MRPL48: variants seen among roughly 807,000 people sequenced by gnomAD.
MRPL48 encodes large ribosomal subunit protein mL48.
In MRPL48, 16 loss-of-function variants were observed where a neutral mutation model predicts 32.9. That is an observed-to-expected ratio of 0.49 (90% confidence interval 0.33 to 0.74). The LOEUF is 0.74. Ranked by LOEUF, MRPL48 falls within the 30% of genes least tolerant of loss-of-function variation. The pLI, the probability that MRPL48 is intolerant of heterozygous loss-of-function variation, is 0.02. For missense variants in MRPL48, 206 were observed against 245.3 expected (o/e 0.84, Z 1.07); for synonymous variants, 94 against 89.2 (o/e 1.05, Z -0.31).
Position 73,788,044 on chromosome 11 carries a change from A to C in MRPL48, c.21+52A>C, listed in dbSNP as rs1371509010. ...CGCGGGGAGATGGCGGACGGTGCAG[A>C]GAGGGGAGATGGCGGAGGGTGCAGA... is the stretch of plus-strand genomic sequence containing the variant. On this transcript the variant is annotated intron_variant, in intron 1 of 7. Transcript: ENST00000310614. 8.2e-6 allele frequency: 12 copies of C among 1,460,422 alleles called. No individual in the cohort carries two copies. The Middle Eastern group carries it at 7.5e-4, about 92-fold the overall frequency. The allele number at this position is 1,460,422 out of a possible 1,614,324, so 90.5% of individuals were successfully genotyped here.
chr11:73,807,830 G>C (rs990071653), intron 2 of MRPL48, among the ~76,000 whole-genome samples: 1 of 151,924 alleles, frequency 6.6e-6, no homozygotes, highest in Non-Finnish European at 1.5e-5. Flanking sequence ...GTAGAGACGG[G>C]GTTTCGCCAT....
At position 73,831,561 on chromosome 11, in the gene MRPL48, T is replaced by C. The variant is rs571281434; in HGVS notation, c.201+5765T>C. Among the ~76,000 whole-genome samples the C allele has an allele frequency of 1.4e-4, 21 of 152,152 alleles. No homozygotes were observed. In the East Asian group the frequency reaches 3.9e-3, roughly 28 times the overall value. On this transcript the variant is annotated intron_variant, in intron 4 of 7. Coordinates refer to ENST00000310614, the MANE Select transcript of MRPL48 (RefSeq NM_016055.6). ...AGACCTAGCATCCTGTCTCAAAGTG[T>C]AGATCTCATTATTCCTTAAAGGCCC...
At chr11:73,835,006 AT>A (rs1327282139) in intron 4 of MRPL48, among the ~76,000 whole-genome samples, 3 of 148,368 alleles carry the variant, frequency 2.0e-5, no homozygotes, top group Admixed American at 6.7e-5. Flanking sequence ...TAATTTTTAA[AT>A]TTTTTTGTGG....
At chr11:73,835,997 G>A (rs1407594966) in intron 4 of MRPL48, among the ~76,000 whole-genome samples, 2 of 151,792 alleles carry the variant, frequency 1.3e-5, no homozygotes, top group East Asian at 3.9e-4. Context: ...GCAGTGGCGC[G>A]ATCTTGGCTC....
intron 5 of MRPL48, among the ~76,000 whole-genome samples, chr11:73,855,189 C>G (rs1565111643): frequency 6.6e-6 from 1 of 151,934 alleles, no homozygotes. Context: ...TCCTAATTCT[C>G]TATTCTTCTA....
intron 2 of MRPL48, 132 bp downstream of exon 2, chr11:73,805,211 C>T (rs1947427119): frequency 8.8e-6 from 6 of 684,098 alleles, no homozygotes; most frequent in South Asian, 2.3e-5. Context: ...CCACCTTGCT[C>T]CTTCCCCATT....
chr11:73,846,108 A>T (rs1045707455), intron 5 of MRPL48, among the ~76,000 whole-genome samples: 2 of 150,162 alleles, frequency 1.3e-5, no homozygotes, highest in African/African-American at 2.5e-5. Context: ...AAAAGCAAAC[A>T]CTGAAACTGT....
intron 1 of MRPL48, among the ~76,000 whole-genome samples, chr11:73,801,255 C>G (rs1276542662): frequency 6.6e-6 from 1 of 152,076 alleles, no homozygotes; most frequent in Non-Finnish European, 1.5e-5. Context: ...TATGAAGTGA[C>G]CCATTTAAAA....
intron 3 of MRPL48, among the ~76,000 whole-genome samples, chr11:73,808,983 A>T (rs1017195434): frequency 3.8e-4 from 57 of 151,736 alleles, no homozygotes; most frequent in East Asian, 3.3e-3. Context: ...CTCTACAAAA[A>T]TTTTTTTAAA....
Position 73,864,610 on chromosome 11 carries a change from T to C in MRPL48, c.*240T>C. The C allele has an allele frequency of 5.6e-6, 3 of 534,278 alleles. No individual in the cohort carries two copies. The highest frequency in any genetic ancestry group is 1.0e-5 in the Non-Finnish European group (3 of 296,686). 33.1% of individuals were successfully genotyped at this position (534,278 alleles called of 1,614,324 possible). A position where few individuals can be genotyped will look rare whatever the true frequency, so the allele number is the denominator to read the frequency against. The stretch of plus-strand genomic sequence containing the variant: ...AAAATCTGCTGCAGATGTGTATATG[T>C]ATGTGTGTGTGAGAGAGAGAAATTG... On this transcript the variant is annotated 3_prime_UTR_variant, in exon 8 of 8. Transcript: ENST00000310614.
chr11:73,809,292 G>A (rs1194039235), intron 3 of MRPL48, among the ~76,000 whole-genome samples: 3 of 151,938 alleles, frequency 2.0e-5, no homozygotes, highest in African/African-American at 4.8e-5. Flanking sequence ...CGGATCATGA[G>A]GTCAGATCAA....
intron 5 of MRPL48, among the ~76,000 whole-genome samples, chr11:73,859,697 T>G (rs189927173): frequency 6.6e-6 from 1 of 152,304 alleles, no homozygotes; most frequent in East Asian, 1.9e-4. Context: ...TGATTAGAGA[T>G]GCAGAACTGC....
chr11:73,811,060 A>G (rs997059648), intron 3 of MRPL48, among the ~76,000 whole-genome samples: 1 of 152,202 alleles, frequency 6.6e-6, no homozygotes, highest in African/African-American at 2.4e-5. Context: ...AGAGGGAGAA[A>G]GTCTAATGAA....
chr11:73,824,455 C>G (rs554213433), intron 3 of MRPL48, among the ~76,000 whole-genome samples: 1 of 151,814 alleles, frequency 6.6e-6, no homozygotes, highest in Non-Finnish European at 1.5e-5. Context: ...TGTGGTGGCG[C>G]GTGCCTGTAA....
chr11:73,835,678 C>T (rs2135033988), intron 4 of MRPL48, among the ~76,000 whole-genome samples: 1 of 152,196 alleles, frequency 6.6e-6, no homozygotes, highest in South Asian at 2.1e-4. Flanking sequence ...GCTGGTGGAT[C>T]ACCTGAGTTC....
intron 1 of MRPL48, among the ~76,000 whole-genome samples, chr11:73,801,000 G>A (rs925982706): frequency 4.6e-5 from 7 of 151,878 alleles, no homozygotes; most frequent in African/African-American, 1.2e-4. Flanking sequence ...TAGTAGAGAC[G>A]AGGTTTCTCC....
At position 73,810,287 on chromosome 11, in the gene MRPL48, C is replaced by T. The variant is rs187881510; in HGVS notation, c.112+1937C>T. Among the ~76,000 whole-genome samples the T allele has an allele frequency of 5.3e-3, 812 of 152,170 alleles. 8 individuals are homozygous for T. Among genetic ancestry groups the T allele is most frequent in the African/African-American group, 0.018 (740 of 41,514 alleles). On this transcript the variant is annotated intron_variant, in intron 3 of 7. Transcript: ENST00000310614. ...CTGTAATCCCAGTACTTTGGCAGGC[C>T]GAGATGGGCGGATCACCTTAGGTCA...
At chr11:73,788,123 G>A in intron 1 of MRPL48, 131 bp downstream of exon 1, 1 of 1,363,392 alleles carries the variant, frequency 7.3e-7, no homozygotes, top group Non-Finnish European at 1.0e-6. Flanking sequence ...GGGCGCCCAA[G>A]GTCCTTCCCA....
chr11:73,830,230 G>A (rs1441226065), intron 4 of MRPL48, among the ~76,000 whole-genome samples: 1 of 152,204 alleles, frequency 6.6e-6, no homozygotes, highest in Non-Finnish European at 1.5e-5. Context: ...GAGCTGCCCT[G>A]TGGTTTTATA....
Sources: allele counts gnomAD v4.1 joint callset (sites outside exome capture counted in the v4.1 genomes callset), GRCh38; gene constraint gnomAD v4.1.1; transcripts MANE v1.5; gene names NCBI Gene and HGNC (gene_info 2026-07-23, HGNC 2026-07-21).